The following EIF4G3 variants were observed in gnomAD, a reference collection of about 807,000 sequenced individuals.
EIF4G3 encodes eIF-4-gamma 3.
Under a neutral mutation model 186.4 loss-of-function variants are expected in EIF4G3, and 34 were observed. That is an observed-to-expected ratio of 0.18 (90% confidence interval 0.14 to 0.24). EIF4G3 has a LOEUF of 0.24. Among genes scored for constraint, EIF4G3 ranks in the 10% least tolerant of loss-of-function variants. The probability of loss-of-function intolerance (pLI) is 1.00; values close to 1 mark genes in which losing one functional copy is unlikely to be tolerated. For synonymous variants in EIF4G3, 673 were observed against 679.5 expected, an observed-to-expected ratio of 0.99 and a Z score of 0.15; for missense variants, 1,536 against 1,948.5, an observed-to-expected ratio of 0.79 and a Z score of 3.99.
intron 2 of EIF4G3, among the ~76,000 whole-genome samples, chr1:21,142,092 T>A (rs903165233): frequency 2.6e-5 from 4 of 152,080 alleles, no homozygotes; most frequent in African/African-American, 9.7e-5. Context: ...TACTGAAACA[T>A]AAAGCTACTC....
chr1:21,009,660 G>C (rs1258724727), intron 4 of EIF4G3, among the ~76,000 whole-genome samples: 2 of 151,484 alleles, frequency 1.3e-5, no homozygotes, highest in African/African-American at 4.9e-5. Flanking sequence ...GGGGGTGCTG[G>C]GGGGGTAGTG....
chr1:20,932,127 CG>C (rs2095339421), intron 14 of EIF4G3, among the ~76,000 whole-genome samples: 1 of 152,120 alleles, frequency 6.6e-6, no homozygotes, highest in South Asian at 2.1e-4. Flanking sequence ...TGCACTTTTA[CG>C]TTATGATGAC....
At chr1:21,131,610 C>T (rs532672484) in intron 2 of EIF4G3, among the ~76,000 whole-genome samples, 1 of 152,196 alleles carries the variant, frequency 6.6e-6, no homozygotes, top group African/African-American at 2.4e-5. Context: ...ATTACATATA[C>T]TTAAGTAAAC....
chr1:21,145,703 T>C (rs1392665548), intron 2 of EIF4G3, among the ~76,000 whole-genome samples: 1 of 152,182 alleles, frequency 6.6e-6, no homozygotes, highest in African/African-American at 2.4e-5. Flanking sequence ...TATCTAGTAG[T>C]CAATGTTAGG....
At chr1:21,082,895 G>A (rs1033048618) in intron 3 of EIF4G3, among the ~76,000 whole-genome samples, 5 of 151,332 alleles carry the variant, frequency 3.3e-5, no homozygotes, top group African/African-American at 4.9e-5. Flanking sequence ...AAAATTAGCC[G>A]GGCGTGTTGG....
At chr1:20,999,884 G>C (rs1228858768) in intron 6 of EIF4G3, among the ~76,000 whole-genome samples, 1 of 151,886 alleles carries the variant, frequency 6.6e-6, no homozygotes, top group Non-Finnish European at 1.5e-5. Context: ...AGATGGTGAG[G>C]ACTGTTGATA....
At chr1:21,066,729 T>C (rs564262770) in intron 3 of EIF4G3, among the ~76,000 whole-genome samples, 50 of 152,356 alleles carry the variant, frequency 3.3e-4, no homozygotes, top group Non-Finnish European at 5.4e-4. Flanking sequence ...AACAACTTCA[T>C]GGCAATAATA....
At chr1:20,905,704 A>G (rs892240609) in intron 14 of EIF4G3, among the ~76,000 whole-genome samples, 1 of 152,238 alleles carries the variant, frequency 6.6e-6, no homozygotes, top group East Asian at 1.9e-4. Context: ...TAAGTGAAAG[A>G]CATTTTAACC....
At chr1:20,946,814 G>GA (rs2095970988) in intron 13 of EIF4G3, among the ~76,000 whole-genome samples, 1 of 152,038 alleles carries the variant, frequency 6.6e-6, no homozygotes, top group African/African-American at 2.4e-5. Flanking sequence ...CTTTTTGGAG[G>GA]AAAGGGGAGG....
Position 20,861,594 on chromosome 1 carries a change from T to C in EIF4G3, c.3111+634A>G, listed in dbSNP as rs114610156. 2.0e-3 allele frequency among the ~76,000 whole-genome samples: 308 copies of C among 152,356 alleles called. 2 individuals are homozygous for C. The highest frequency in any genetic ancestry group is 6.9e-3 in the African/African-American group (287 of 41,586). On this transcript the variant is annotated intron_variant, in intron 23 of 36. Transcript: ENST00000602326. ...GAGTTAAAGGTATTTACTGTGGAGATGAGACTTGCTGATTATTTAGCTCAC... is the reference window on the plus strand; with the variant it reads ...GAGTTAAAGGTATTTACTGTGGAGACGAGACTTGCTGATTATTTAGCTCAC...
At chr1:20,994,627 A>T (rs1558615929) in intron 7 of EIF4G3, among the ~76,000 whole-genome samples, 3 of 109,136 alleles carry the variant, frequency 2.7e-5, no homozygotes, top group Non-Finnish European at 4.0e-5. Flanking sequence ...AAACATATAT[A>T]CTTTTTTTTT....
intron 30 of EIF4G3, among the ~76,000 whole-genome samples, chr1:20,834,816 G>A (rs745362306): frequency 3.3e-5 from 5 of 152,114 alleles, no homozygotes; most frequent in Non-Finnish European, 5.9e-5. Flanking sequence ...TTTAGACAAT[G>A]AACAACTCAT....
chr1:21,159,540 A>G (rs2097723019), intron 2 of EIF4G3, among the ~76,000 whole-genome samples: 1 of 151,388 alleles, frequency 6.6e-6, no homozygotes. Flanking sequence ...AGTTCGAGAC[A>G]AGACTGGCCA....
intron 14 of EIF4G3, among the ~76,000 whole-genome samples, chr1:20,938,398 T>C (rs1198257022): frequency 3.3e-5 from 5 of 152,212 alleles, no homozygotes; most frequent in African/African-American, 1.2e-4. Flanking sequence ...TGTTATAACT[T>C]TACTGCTTTA....
Position 20,807,537 on chromosome 1 carries a change from C to G in EIF4G3, c.4745-37G>C, listed in dbSNP as rs559261163. On this transcript the variant is annotated intron_variant, in intron 36 of 36. Transcript: ENST00000602326. ...TGAAAATAAACTATAAGCTTTGGGA[C>G]ACTGTAGTTATGAGGAAAAGAATAT... The G allele has an allele frequency of 2.6e-5, 39 of 1,516,424 alleles. No individual in the cohort carries two copies. In the South Asian group the frequency reaches 4.9e-4, roughly 19 times the overall value. The allele number at this position is 1,516,424 out of a possible 1,614,324, so 93.9% of individuals were successfully genotyped here. A position where few individuals can be genotyped will look rare whatever the true frequency, so the allele number is the denominator to read the frequency against.
At chr1:20,951,536 T>C (rs1172634681) in intron 12 of EIF4G3, among the ~76,000 whole-genome samples, 1 of 152,140 alleles carries the variant, frequency 6.6e-6, no homozygotes, top group Non-Finnish European at 1.5e-5. Context: ...TGAAATTCAA[T>C]AGAAAGGTTC....
chr1:20,931,652 C>A (rs1573031937), intron 14 of EIF4G3, among the ~76,000 whole-genome samples: 2 of 152,088 alleles, frequency 1.3e-5, no homozygotes, highest in East Asian at 1.9e-4. Flanking sequence ...TGGGGCCAGG[C>A]GCAGTGGCTC....
At chr1:21,126,927 G>A (rs993670692) in intron 2 of EIF4G3, among the ~76,000 whole-genome samples, 5 of 152,164 alleles carry the variant, frequency 3.3e-5, no homozygotes, top group Non-Finnish European at 7.4e-5. Flanking sequence ...CAATGTAAAT[G>A]TTGTATAAAG....
intron 7 of EIF4G3, among the ~76,000 whole-genome samples, chr1:20,985,175 C>T (rs913818603): frequency 9.9e-5 from 15 of 152,270 alleles, no homozygotes; most frequent in South Asian, 8.3e-4. Flanking sequence ...ACTATACTAA[C>T]GGGTGGCATG....
Sources: gnomAD v4.1 joint callset for allele counts (sites outside exome capture counted in the v4.1 genomes callset) on GRCh38, gnomAD v4.1.1 for gene constraint, MANE v1.5 for transcripts, NCBI Gene and HGNC (gene_info 2026-07-23, HGNC 2026-07-21) for gene names.